MED13L: variants seen among roughly 807,000 people sequenced by gnomAD.
MED13L encodes mediator of RNA polymerase II transcription subunit 13-like.
Under a neutral mutation model 220.9 loss-of-function variants are expected in MED13L, and 7 were observed. The ratio of observed to expected loss-of-function variants is 0.03; its 90% CI spans 0.02 to 0.06. The LOEUF is 0.06. Ranked by LOEUF, MED13L falls within the 10% of genes least tolerant of loss-of-function variation. The pLI, the probability that MED13L is intolerant of heterozygous loss-of-function variation, is 1.00. For missense variants in MED13L, 1,965 were observed against 2,760.5 expected, an observed-to-expected ratio of 0.71 and a Z score of 6.46; for synonymous variants, 1,011 against 1,015.2, an observed-to-expected ratio of 1.00 and a Z score of 0.08.
chr12:116,249,829 TAATA>T (rs1871366767), intron 1 of MED13L, among the ~76,000 whole-genome samples: 1 of 73,932 alleles, frequency 1.4e-5, no homozygotes, highest in Non-Finnish European at 2.9e-5. Flanking sequence ...AAACAAAACA[TAATA>T]AACAAGCCAA....
Position 116,007,645 on chromosome 12 carries a change from C to CCAAAAA in MED13L, c.2013-10_2013-9insTTTTTG. 1.3e-6 allele frequency: 1 copy of CCAAAAA among 754,814 alleles called. No homozygotes were observed. The highest frequency in any genetic ancestry group is 2.8e-5 in the African/African-American group (1 of 36,006). 46.8% of individuals were successfully genotyped at this position (754,814 alleles called of 1,614,324 possible). ...TAGGTTGTGCTAAGAGTCTAAAAGA[C>CCAAAAA]AAAAAAAAAAAAAAAAAAAAGAGCA... On this transcript the variant is annotated splice_polypyrimidine_tract_variant and intron_variant, in intron 10 of 30. Transcript: ENST00000281928.
At position 116,086,627 on chromosome 12, in the gene MED13L, T is replaced by C. The variant is rs530029283; in HGVS notation, c.479+10042A>G. On this transcript the variant is annotated intron_variant, in intron 4 of 30. Transcript: ENST00000281928. ...AATATCAAGCTATTATACTTCAATC[T>C]TATACAACTGTTAATAAAATCCTAA... Among the ~76,000 whole-genome samples the C allele has an allele frequency of 7.1e-4, 108 of 152,240 alleles. 2 individuals carry two copies. In the South Asian group the frequency reaches 0.017, roughly 23 times the overall value.
intron 4 of MED13L, among the ~76,000 whole-genome samples, chr12:116,086,420 T>G (rs1295447330): frequency 6.6e-6 from 1 of 151,900 alleles, no homozygotes; most frequent in Non-Finnish European, 1.5e-5. Context: ...CTAGCTGGGA[T>G]TACAGACTTG....
intron 3 of MED13L, 38 bp downstream of exon 3, chr12:116,111,390 G>A: frequency 3.2e-6 from 5 of 1,539,356 alleles, no homozygotes; most frequent in Admixed American, 3.3e-5. Context: ...AATATACTTG[G>A]TTGTCTGCAA....
At chr12:116,126,286 G>C (rs529998048) in intron 2 of MED13L, among the ~76,000 whole-genome samples, 2 of 152,326 alleles carry the variant, frequency 1.3e-5, no homozygotes, top group Admixed American at 1.3e-4. Context: ...GTGTGAATGA[G>C]TTCAATCCTA....
At chr12:116,059,886 A>G (rs984899249) in intron 4 of MED13L, among the ~76,000 whole-genome samples, 3 of 152,218 alleles carry the variant, frequency 2.0e-5, no homozygotes, top group Non-Finnish European at 4.4e-5. Flanking sequence ...AAGGCTTTAA[A>G]TTATTATTTA....
At chr12:116,127,650 T>A (rs986607183) in intron 2 of MED13L, among the ~76,000 whole-genome samples, 1 of 152,180 alleles carries the variant, frequency 6.6e-6, no homozygotes, top group African/African-American at 2.4e-5. Context: ...TACTAACACT[T>A]TGTAAAGTAC....
At chr12:115,995,463 G>A (rs562368230) in intron 16 of MED13L, among the ~76,000 whole-genome samples, 88 of 152,088 alleles carry the variant, frequency 5.8e-4, no homozygotes, top group African/African-American at 2.0e-3. Context: ...TTGCTCTGTC[G>A]ACCAGGCTGG....
At chr12:116,153,118 T>C (rs189042284) in intron 2 of MED13L, among the ~76,000 whole-genome samples, 1 of 152,178 alleles carries the variant, frequency 6.6e-6, no homozygotes, top group South Asian at 2.1e-4. Context: ...AATTAGTGTG[T>C]AACATAATTA....
rs764431907 is a variant in MED13L at position 115,966,062 on chromosome 12, T to C, written c.6387+20A>G. 1.1e-5 allele frequency: 17 copies of C among 1,613,618 alleles called. No homozygotes were observed. The Admixed American group carries it at 2.7e-4, about 25-fold the overall frequency. The stretch of plus-strand genomic sequence containing the variant: ...AAATCACTCATTCCTTGCAAACTTC[T>C]AATATGACACCAAACCAACCTTTAA... On this transcript the variant is annotated intron_variant, in intron 29 of 30. Transcript: ENST00000281928.
intron 2 of MED13L, among the ~76,000 whole-genome samples, chr12:116,217,603 G>T (rs546723128): frequency 1.3e-5 from 2 of 152,232 alleles, no homozygotes; most frequent in South Asian, 4.1e-4. Context: ...CTTTGAAGAG[G>T]CAAAAACACG....
rs1875623647 is a variant in MED13L at position 115,959,414 on chromosome 12, A to G, written c.*1852T>C. The G allele has an allele frequency of 6.6e-6, 1 of 152,486 alleles. No homozygotes were observed. Among genetic ancestry groups the G allele is most frequent in the African/African-American group, 2.4e-5 (1 of 41,416 alleles). 9.4% of individuals were successfully genotyped at this position (152,486 alleles called of 1,614,324 possible). A position where few individuals can be genotyped will look rare whatever the true frequency, so the allele number is the denominator to read the frequency against. Reference sequence around the variant, plus strand: ...AAAAAAAAATTCAAAGTTCTGATGAATTCCGGGAAAAAAGCAACCCCAAAG... The same window carrying G: ...AAAAAAAAATTCAAAGTTCTGATGAGTTCCGGGAAAAAAGCAACCCCAAAG... On this transcript the variant is annotated 3_prime_UTR_variant, in exon 31 of 31. Transcript: ENST00000281928.
At position 116,225,772 on chromosome 12, in the gene MED13L, G is replaced by A. The variant is rs1462316929; in HGVS notation, c.310+11696C>T. Among the ~76,000 whole-genome samples, 3 of 152,098 alleles carry A rather than the reference G, an allele frequency of 2.0e-5. No homozygotes were observed. In the East Asian group the frequency reaches 5.8e-4, roughly 29 times the overall value. On this transcript the variant is annotated intron_variant, in intron 2 of 30. Coordinates refer to ENST00000281928, the MANE Select transcript of MED13L (RefSeq NM_015335.5). ...TAATGAAGAGACCTCATGTTGAATA[G>A]GTTCACACTTCCCTTATTCAAGCAG...
rs762193359 is a variant in MED13L at position 115,975,520 on chromosome 12, T to C, written c.5583A>G (p.Pro1861=). 3.1e-6 allele frequency: 5 copies of C among 1,613,808 alleles called. No homozygotes were observed. Among genetic ancestry groups the C allele is most frequent in the Non-Finnish European group, 4.2e-6 (5 of 1,179,716 alleles). Residue 1861 remains proline (P), a synonymous_variant, in exon 24 of 31, where the codon CCA becomes CCG. Coordinates refer to ENST00000281928, the MANE Select transcript of MED13L (RefSeq NM_015335.5). ...TAAACATCAAGTCTTCTCACCTGTT[T>C]GGTAAAGCAATATTTACAACGCAGG... is the stretch of plus-strand genomic sequence containing the variant. ...LETCVVNIAL[P]NRSRRSKVSA...
In MED13L at chr12:115,968,955, G is replaced by A. The variant is rs746265027; in HGVS notation, c.6210C>T (p.His2070=). 2 of 1,614,060 alleles carry A rather than the reference G, an allele frequency of 1.2e-6. No homozygotes were observed. Among genetic ancestry groups the A allele is most frequent in the Non-Finnish European group, 1.7e-6 (2 of 1,179,972 alleles). The part of the protein sequence containing the change: ...GSPSGIGVGS[H]FQHSRSQGER... ...TCATCCTTACCCGACTATGCTGGAA[G>A]TGAGAGCCCACACCAATTCCAGAAG... Residue 2070 remains histidine, a synonymous_variant, in exon 28 of 31, where the codon CAC becomes CAT. Coordinates refer to ENST00000281928, the MANE Select transcript of MED13L (RefSeq NM_015335.5).
At chr12:116,114,508 C>A (rs947366198) in intron 2 of MED13L, among the ~76,000 whole-genome samples, 6 of 151,798 alleles carry the variant, frequency 4.0e-5, no homozygotes, top group African/African-American at 9.7e-5. Flanking sequence ...CAAACAACAA[C>A]AAAAAAAACT....
Position 116,250,763 on chromosome 12 carries a change from C to T in MED13L, c.73-13058G>A, listed in dbSNP as rs753089353. ...CTGCACTCCAGCCTGAGTGACAGAG[C>T]GAGACTCCTCCTCAAAAAAAAAAAA... On this transcript the variant is annotated intron_variant, in intron 1 of 30. Coordinates refer to ENST00000281928, the MANE Select transcript of MED13L (RefSeq NM_015335.5). Among the ~76,000 whole-genome samples the T allele has an allele frequency of 1.1e-4, 14 of 125,186 alleles. No individual in the cohort carries two copies. In the Admixed American group the frequency reaches 1.3e-3, roughly 11 times the overall value. 82.1% of individuals were successfully genotyped at this position (125,186 alleles called of 152,430 possible).
chr12:116,021,150 T>C (rs1326631539), intron 5 of MED13L, among the ~76,000 whole-genome samples: 1 of 152,116 alleles, frequency 6.6e-6, no homozygotes, highest in Non-Finnish European at 1.5e-5. Context: ...ACACCAATCA[T>C]GGAAAATAAG....
chr12:116,082,239 C>T (rs1871287014), intron 4 of MED13L, among the ~76,000 whole-genome samples: 1 of 152,106 alleles, frequency 6.6e-6, no homozygotes, highest in Admixed American at 6.5e-5. Flanking sequence ...CTTTTCATTT[C>T]AAGCTACAGA....
Sources: allele counts gnomAD v4.1 joint callset (sites outside exome capture counted in the v4.1 genomes callset), GRCh38; gene constraint gnomAD v4.1.1; transcripts MANE v1.5; gene names NCBI Gene and HGNC (gene_info 2026-07-23, HGNC 2026-07-21).